The following DCDC2 variants were observed in gnomAD, a reference collection of about 807,000 sequenced individuals.
DCDC2 encodes doublecortin domain-containing protein 2.
Under a neutral mutation model 50.2 loss-of-function variants are expected in DCDC2, and 40 were observed. The ratio of observed to expected loss-of-function variants is 0.80; its 90% CI spans 0.62 to 1.04. The LOEUF is 1.04. Among genes scored for constraint, DCDC2 ranks in the 50% least tolerant of loss-of-function variants. The pLI, the probability that DCDC2 is intolerant of heterozygous loss-of-function variation, is 0.00. For synonymous variants in DCDC2, 234 were observed against 210.6 expected, an observed-to-expected ratio of 1.11 and a Z score of -0.96; for missense variants, 570 against 581.9, an observed-to-expected ratio of 0.98 and a Z score of 0.21.
At chr6:24,223,478 A>G (rs1399986548) in intron 7 of DCDC2, among the ~76,000 whole-genome samples, 2 of 152,172 alleles carry the variant, frequency 1.3e-5, no homozygotes, top group Non-Finnish European at 2.9e-5. Flanking sequence ...CAGTTTATCT[A>G]TTTTGTGAGA....
chr6:24,186,890 T>C (rs184272943), intron 8 of DCDC2, among the ~76,000 whole-genome samples: 4 of 152,166 alleles, frequency 2.6e-5, no homozygotes, highest in African/African-American at 9.6e-5. Flanking sequence ...TAAAATTAGG[T>C]CATGAGGGTG....
intron 6 of DCDC2, among the ~76,000 whole-genome samples, chr6:24,279,937 G>C (rs750970424): frequency 4.6e-5 from 7 of 152,194 alleles, no homozygotes; most frequent in Non-Finnish European, 8.8e-5. Context: ...TTAGAATGCT[G>C]TCTTCAAGAG....
chr6:24,209,614 C>T (rs1311050802), intron 7 of DCDC2, among the ~76,000 whole-genome samples: 2 of 152,188 alleles, frequency 1.3e-5, no homozygotes, highest in Non-Finnish European at 2.9e-5. Context: ...TTCAGGAGTT[C>T]TGAGTCCCCT....
At chr6:24,225,414 C>T (rs1276476709) in intron 7 of DCDC2, among the ~76,000 whole-genome samples, 2 of 152,174 alleles carry the variant, frequency 1.3e-5, no homozygotes, top group Non-Finnish European at 2.9e-5. Flanking sequence ...TTGATACACA[C>T]ACACACACAC....
the DCDC2 span, among the ~76,000 whole-genome samples, chr6:24,369,569 C>T: frequency 2.2e-4 from 33 of 151,364 alleles, no homozygotes; most frequent in Admixed American, 8.5e-4. Context: ...GAGATCGCGC[C>T]GCTGCACTCA....
intron 2 of DCDC2, among the ~76,000 whole-genome samples, chr6:24,314,121 A>G (rs72830893): frequency 6.6e-6 from 1 of 152,344 alleles, no homozygotes; most frequent in South Asian, 2.1e-4. Flanking sequence ...CAAAAATACT[A>G]AAGTGTTATT....
intron 7 of DCDC2, among the ~76,000 whole-genome samples, chr6:24,222,715 G>A (rs573152826): frequency 9.2e-5 from 14 of 152,098 alleles, no homozygotes; most frequent in East Asian, 7.7e-4. Flanking sequence ...ATTATTTCTC[G>A]TTAAAAATAA....
chr6:24,239,536 A>G (rs548781561), intron 7 of DCDC2, among the ~76,000 whole-genome samples: 1 of 152,292 alleles, frequency 6.6e-6, no homozygotes, highest in Admixed American at 6.5e-5. Context: ...TGACCCAGCT[A>G]ATTAGGAATG....
chr6:24,217,296 A>G (rs1291337271), intron 7 of DCDC2, among the ~76,000 whole-genome samples: 1 of 152,178 alleles, frequency 6.6e-6, no homozygotes, highest in East Asian at 1.9e-4. Flanking sequence ...TAGCTCAAAT[A>G]TGAAAATCAA....
At chr6:24,372,519 A>G in the DCDC2 span, among the ~76,000 whole-genome samples, 4 of 152,182 alleles carry the variant, frequency 2.6e-5, no homozygotes, top group Non-Finnish European at 5.9e-5. Flanking sequence ...ACCAACCCAA[A>G]TGTCCAACAA....
At chr6:24,200,799 G>A (rs1020019285) in intron 8 of DCDC2, among the ~76,000 whole-genome samples, 1 of 150,862 alleles carries the variant, frequency 6.6e-6, no homozygotes, top group Non-Finnish European at 1.5e-5. Context: ...AAGGGATGGA[G>A]GAATATTTAC....
intron 8 of DCDC2, among the ~76,000 whole-genome samples, chr6:24,190,593 G>T (rs1336534725): frequency 6.6e-6 from 1 of 152,080 alleles, no homozygotes; most frequent in African/African-American, 2.4e-5. Context: ...AGTAAATGTT[G>T]ATTTTCTTTC....
the DCDC2 span, among the ~76,000 whole-genome samples, chr6:24,363,213 G>T: frequency 3.3e-5 from 5 of 152,310 alleles, no homozygotes; most frequent in African/African-American, 7.2e-5. Flanking sequence ...AATACCACCA[G>T]CAGGGCACGG....
chr6:24,301,539 C>T (rs1490053971), intron 4 of DCDC2, among the ~76,000 whole-genome samples, 176 bp downstream of exon 4: 1 of 152,004 alleles, frequency 6.6e-6, no homozygotes, highest in Non-Finnish European at 1.5e-5. Flanking sequence ...TGTGGATTAC[C>T]TCATTTTAAA....
At chr6:24,283,262 C>A (rs1763516934) in intron 6 of DCDC2, among the ~76,000 whole-genome samples, 1 of 151,820 alleles carries the variant, frequency 6.6e-6, no homozygotes, top group Non-Finnish European at 1.5e-5. Flanking sequence ...AGGCTAGAAT[C>A]ACAACTTAAA....
At chr6:24,370,278 C>A in the DCDC2 span, among the ~76,000 whole-genome samples, 1 of 152,050 alleles carries the variant, frequency 6.6e-6, no homozygotes, top group Non-Finnish European at 1.5e-5. Flanking sequence ...AAATTTGAAC[C>A]CTCATACATT....
At chr6:24,229,241 T>C (rs1325343375) in intron 7 of DCDC2, among the ~76,000 whole-genome samples, 2 of 152,220 alleles carry the variant, frequency 1.3e-5, no homozygotes, top group African/African-American at 4.8e-5. Context: ...GCAGAATCTG[T>C]GACCTTGTCT....
At chr6:24,179,714 G>A (rs923350648) in intron 8 of DCDC2, among the ~76,000 whole-genome samples, 17 of 148,070 alleles carry the variant, frequency 1.1e-4, no homozygotes, top group Non-Finnish European at 2.5e-4. Context: ...CAGCACTTTG[G>A]GAGGCCGAGG....
intron 8 of DCDC2, among the ~76,000 whole-genome samples, chr6:24,201,965 T>C (rs1186627113): frequency 3.9e-5 from 6 of 151,932 alleles, no homozygotes; most frequent in Non-Finnish European, 8.8e-5. Flanking sequence ...AATAGACCGA[T>C]GATAAATTCT....
Sources: allele counts gnomAD v4.1 joint callset (sites outside exome capture counted in the v4.1 genomes callset), GRCh38; gene constraint gnomAD v4.1.1; transcripts MANE v1.5; gene names NCBI Gene and HGNC (gene_info 2026-07-23, HGNC 2026-07-21).